INTS7: variants seen among roughly 807,000 people sequenced by gnomAD.
INTS7 encodes chromosome 1 open reading frame 73.
In INTS7, 46 loss-of-function variants were observed where a neutral mutation model predicts 109.2. The observed-to-expected ratio is 0.42, with a 90% CI of 0.33 to 0.54. INTS7 has a LOEUF of 0.54. Among genes scored for constraint, INTS7 ranks in the 20% least tolerant of loss-of-function variants. INTS7 has a pLI of 0.07. For synonymous variants in INTS7, 412 were observed against 402.9 expected, an observed-to-expected ratio of 1.02 and a Z score of -0.27; for missense variants, 929 against 1,132.4, an observed-to-expected ratio of 0.82 and a Z score of 2.58.
At chr1:211,995,613 C>A (rs1325079357) in intron 7 of INTS7, among the ~76,000 whole-genome samples, 1 of 152,106 alleles carries the variant, frequency 6.6e-6, no homozygotes, top group African/African-American at 2.4e-5. Context: ...AATAAGACAG[C>A]CCTAATATTT....
rs1390524488 is a variant in INTS7, at chr1:211,959,189, T to A, written c.2184-6488A>T. Among the ~76,000 whole-genome samples the A allele has an allele frequency of 6.6e-6, 1 of 152,124 alleles. No individual in the cohort carries two copies. The highest frequency in any genetic ancestry group is 1.9e-4 in the East Asian group (1 of 5,198). The stretch of plus-strand genomic sequence containing the variant: ...GCCCAAAGGGTTTGGTGTGTGAGCA[T>A]CTGTAGTGGAATACGGCCAGGGGCA... On this transcript the variant is annotated intron_variant, in intron 16 of 19. Transcript: ENST00000366994. The surrounding 1 kb of genome is among the most constrained non-coding windows in gnomAD (Gnocchi z 4.2).
chr1:212,007,887 G>A (rs1666004116), intron 5 of INTS7, among the ~76,000 whole-genome samples: 1 of 152,138 alleles, frequency 6.6e-6, no homozygotes, highest in South Asian at 2.1e-4. Context: ...ACTGTGTGTA[G>A]AATGGTTTCG....
At chr1:211,989,340 C>A (rs1349996223) in intron 7 of INTS7, among the ~76,000 whole-genome samples, 1 of 148,430 alleles carries the variant, frequency 6.7e-6, no homozygotes, top group Non-Finnish European at 1.5e-5. Flanking sequence ...ACTACAAAGA[C>A]AATTAACCAG....
intron 7 of INTS7, among the ~76,000 whole-genome samples, chr1:212,005,530 T>C (rs1329851120): frequency 6.6e-6 from 1 of 152,236 alleles, no homozygotes; most frequent in Admixed American, 6.5e-5. Flanking sequence ...TTACATACTT[T>C]TCTGTATGTA....
intron 7 of INTS7, among the ~76,000 whole-genome samples, chr1:211,988,357 G>A (rs1287374183): frequency 6.6e-6 from 1 of 151,320 alleles, no homozygotes; most frequent in Admixed American, 6.6e-5. Flanking sequence ...AGGAGGTCGA[G>A]ACTGCTATAA....
At chr1:211,985,655 A>G (rs2102434311) in intron 8 of INTS7, among the ~76,000 whole-genome samples, 1 of 152,326 alleles carries the variant, frequency 6.6e-6, no homozygotes, top group Non-Finnish European at 1.5e-5. Context: ...CAAAAAAGAG[A>G]ATTCTGAGTC....
At chr1:211,956,427 T>C (rs1209356250) in intron 16 of INTS7, among the ~76,000 whole-genome samples, 1 of 152,244 alleles carries the variant, frequency 6.6e-6, no homozygotes, top group South Asian at 2.1e-4. Flanking sequence ...TAATGTATTA[T>C]ATTTATATAT....
intron 17 of INTS7, among the ~76,000 whole-genome samples, chr1:211,947,476 G>A (rs927658482): frequency 3.3e-5 from 5 of 152,146 alleles, no homozygotes; most frequent in African/African-American, 1.2e-4. Flanking sequence ...AACCATTCCT[G>A]CTTGGTCTAC....
At chr1:211,991,649 T>G (rs1665153058) in intron 7 of INTS7, among the ~76,000 whole-genome samples, 2 of 152,198 alleles carry the variant, frequency 1.3e-5, no homozygotes, top group South Asian at 4.1e-4. Context: ...CCACTAAAAG[T>G]CAAAGCACTT....
chr1:211,943,166 AG>A (rs1662707886), intron 19 of INTS7, among the ~76,000 whole-genome samples: 1 of 152,072 alleles, frequency 6.6e-6, no homozygotes, highest in Non-Finnish European at 1.5e-5. Flanking sequence ...GACCAGAAAT[AG>A]GCCTAGGGAA....
At chr1:211,976,201 G>A (rs1462253800) in intron 12 of INTS7, among the ~76,000 whole-genome samples, 3 of 152,296 alleles carry the variant, frequency 2.0e-5, no homozygotes, top group Non-Finnish European at 2.9e-5. Context: ...GCATACTAAA[G>A]CTTTCCCATT....
intron 1 of INTS7, among the ~76,000 whole-genome samples, chr1:212,027,866 G>C (rs778642402): frequency 6.6e-6 from 1 of 151,202 alleles, no homozygotes; most frequent in Non-Finnish European, 1.5e-5. Context: ...TCACTCTGCC[G>C]CCCAGGCTGG....
At chr1:211,993,086 T>G (rs545804743) in intron 7 of INTS7, among the ~76,000 whole-genome samples, 1 of 152,232 alleles carries the variant, frequency 6.6e-6, no homozygotes, top group African/African-American at 2.4e-5. Context: ...CAGAAAAGTA[T>G]AGTAAAAAGG....
At chr1:212,000,084 AAC>A (rs965223956) in intron 7 of INTS7, among the ~76,000 whole-genome samples, 55 of 152,282 alleles carry the variant, frequency 3.6e-4, no homozygotes, top group African/African-American at 1.3e-3. Context: ...CAGCCTGGGC[AAC>A]ACAGTGAGAC....
chr1:212,007,469 T>C lies in INTS7; in HGVS notation c.557-20A>G, dbSNP rs372813746. The C allele has an allele frequency of 3.2e-6, 5 of 1,579,906 alleles. No individual in the cohort carries two copies. In the African/African-American group the frequency reaches 6.7e-5, roughly 21 times the overall value. ...CTAAACCTAGACACAAAAATAATTC[T>C]CAAGGTATTTGTGATCACCATCCTT... On this transcript the variant is annotated intron_variant, in intron 5 of 19. Coordinates refer to ENST00000366994, the MANE Select transcript of INTS7 (RefSeq NM_015434.4).
At chr1:212,034,697 T>C (rs1018661329) in intron 1 of INTS7, among the ~76,000 whole-genome samples, 1 of 152,216 alleles carries the variant, frequency 6.6e-6, no homozygotes, top group Non-Finnish European at 1.5e-5. Flanking sequence ...TCAATGGTAC[T>C]GTACCCACTT....
chr1:211,997,706 C>T (rs1665470078), intron 7 of INTS7, among the ~76,000 whole-genome samples: 1 of 151,644 alleles, frequency 6.6e-6, no homozygotes, highest in Non-Finnish European at 1.5e-5. Flanking sequence ...TGGTGAAACC[C>T]CATCTCTACT....
intron 13 of INTS7, among the ~76,000 whole-genome samples, chr1:211,972,985 CAG>C (rs1172640538): frequency 6.6e-6 from 1 of 152,116 alleles, no homozygotes; most frequent in East Asian, 1.9e-4. Context: ...TTTTTTGAGA[CAG>C]AGTCTCAGGC....
At chr1:212,020,070 ATAAT>A in intron 3 of INTS7, 48 bp downstream of exon 3, 1 of 1,264,524 alleles carries the variant, frequency 7.9e-7, no homozygotes, top group Middle Eastern at 2.1e-4. Flanking sequence ...TTTTTTGTAC[ATAAT>A]TACAGTTCAA....
Sources: allele counts gnomAD v4.1 joint callset (sites outside exome capture counted in the v4.1 genomes callset), GRCh38; gene constraint gnomAD v4.1.1; non-coding constraint Gnocchi (gnomAD v3.1); transcripts MANE v1.5; gene names NCBI Gene and HGNC (gene_info 2026-07-23, HGNC 2026-07-21).